Variants in DPP10 observed in about 807,000 individuals in gnomAD.
DPP10 encodes inactive dipeptidyl peptidase 10.
In DPP10, 33 loss-of-function variants were observed where a neutral mutation model predicts 120.9. That is an observed-to-expected ratio of 0.27 (90% CI 0.21 to 0.37). DPP10 has a LOEUF of 0.37. Ranked by LOEUF, DPP10 falls within the 10% of genes least tolerant of loss-of-function variation. DPP10 has a pLI of 1.00. For missense variants in DPP10, 816 were observed against 942.8 expected (o/e 0.87, Z 1.76); for synonymous variants, 337 against 326.1 (o/e 1.03, Z -0.36).
chr2:114,754,718 C>T (rs879421566), intron 1 of DPP10, among the ~76,000 whole-genome samples: 5 of 152,030 alleles, frequency 3.3e-5, no homozygotes, highest in Non-Finnish European at 5.9e-5. Flanking sequence ...GCAGCCTGTT[C>T]ACTCGTGTGG....
intron 21 of DPP10, among the ~76,000 whole-genome samples, chr2:115,822,819 A>C (rs1316574746): frequency 6.6e-6 from 1 of 151,782 alleles, no homozygotes; most frequent in Non-Finnish European, 1.5e-5. Context: ...TATTTTATAA[A>C]CTTTTCTTGG....
chr2:115,332,995 G>A (rs958344167), intron 2 of DPP10, among the ~76,000 whole-genome samples: 4 of 152,026 alleles, frequency 2.6e-5, no homozygotes, highest in East Asian at 1.9e-4. Context: ...TTTCTGTCTC[G>A]TTGATCTGCC....
intron 1 of DPP10, among the ~76,000 whole-genome samples, chr2:115,144,684 AG>A (rs1249071168): frequency 3.1e-5 from 3 of 97,770 alleles, no homozygotes; most frequent in Non-Finnish European, 6.0e-5. Context: ...GGGCGGGGGG[AG>A]GGATAGCATT....
chr2:115,030,185 T>A (rs182343586), intron 1 of DPP10, among the ~76,000 whole-genome samples: 139 of 152,184 alleles, frequency 9.1e-4, no homozygotes, highest in Non-Finnish European at 1.2e-3. Flanking sequence ...TTTTTTTTTT[T>A]ATTTCTCAGA....
chr2:115,091,400 T>C (rs1403589139), intron 1 of DPP10, among the ~76,000 whole-genome samples: 1 of 152,216 alleles, frequency 6.6e-6, no homozygotes, highest in East Asian at 1.9e-4. Context: ...ATATCAGCTT[T>C]AATCATCCTC....
At chr2:115,125,568 CTTTTTT>C (rs57686926) in intron 1 of DPP10, among the ~76,000 whole-genome samples, 1 of 112,188 alleles carries the variant, frequency 8.9e-6, no homozygotes, top group Non-Finnish European at 1.7e-5. Context: ...ATCATAATGG[CTTTTTT>C]TTTTTTTTTT....
chr2:114,913,637 A>G (rs1183265677), intron 1 of DPP10, among the ~76,000 whole-genome samples: 1 of 152,226 alleles, frequency 6.6e-6, no homozygotes, highest in East Asian at 1.9e-4. Flanking sequence ...AAGAACCAAC[A>G]TAAGAATTCT....
chr2:114,604,295 G>A (rs1692614342), intron 1 of DPP10, among the ~76,000 whole-genome samples: 1 of 152,040 alleles, frequency 6.6e-6, no homozygotes, highest in African/African-American at 2.4e-5. Flanking sequence ...ACCTAGCCAA[G>A]GACCAACTTT....
chr2:115,215,625 G>T (rs1473001270), intron 1 of DPP10, among the ~76,000 whole-genome samples: 2 of 151,866 alleles, frequency 1.3e-5, no homozygotes, highest in Non-Finnish European at 2.9e-5. Flanking sequence ...AGTGGGCAAA[G>T]ATGTGGAGAA....
At chr2:115,695,525 C>T (rs975678976) in intron 7 of DPP10, among the ~76,000 whole-genome samples, 2 of 152,010 alleles carry the variant, frequency 1.3e-5, no homozygotes, top group African/African-American at 4.8e-5. Flanking sequence ...AGAGAACTCC[C>T]CTTTATAAAA....
intron 1 of DPP10, among the ~76,000 whole-genome samples, chr2:114,839,732 T>C (rs895943331): frequency 1.3e-5 from 2 of 152,182 alleles, no homozygotes; most frequent in Non-Finnish European, 2.9e-5. Context: ...TAGATTAAAA[T>C]AAAGTCAATT....
chr2:114,603,553 C>T (rs924213987), intron 1 of DPP10, among the ~76,000 whole-genome samples: 6 of 152,038 alleles, frequency 3.9e-5, no homozygotes, highest in South Asian at 2.1e-4. Flanking sequence ...CCTGACCTCC[C>T]ACCATTCCTT....
At chr2:115,155,228 T>C (rs2051829279) in intron 1 of DPP10, among the ~76,000 whole-genome samples, 2 of 152,156 alleles carry the variant, frequency 1.3e-5, no homozygotes, top group African/African-American at 4.8e-5. Context: ...ACCAACCTAA[T>C]ATTAGAAACT....
chr2:114,782,340 T>C (rs112821187), intron 1 of DPP10, among the ~76,000 whole-genome samples: 6 of 151,670 alleles, frequency 4.0e-5, no homozygotes, highest in African/African-American at 1.4e-4. Context: ...TATATATATA[T>C]ATATATGGAA....
At chr2:115,250,701 G>T (rs1372540966) in intron 1 of DPP10, among the ~76,000 whole-genome samples, 1 of 152,150 alleles carries the variant, frequency 6.6e-6, no homozygotes, top group Non-Finnish European at 1.5e-5. Flanking sequence ...GTTGTTACTG[G>T]CAACTTAGAA....
chr2:114,580,512 T>C (rs1690410730), intron 1 of DPP10, among the ~76,000 whole-genome samples: 1 of 152,202 alleles, frequency 6.6e-6, no homozygotes, highest in Non-Finnish European at 1.5e-5. Context: ...GTGAGTTTTA[T>C]AGAATGAGAC....
At chr2:115,116,594 T>C (rs114350948) in intron 1 of DPP10, among the ~76,000 whole-genome samples, 2,722 of 152,254 alleles carry the variant, frequency 0.018, 64 homozygotes, top group African/African-American at 0.052. Flanking sequence ...ATTCTTTCTT[T>C]ATAATAAAAA....
intron 5 of DPP10, among the ~76,000 whole-genome samples, chr2:115,632,772 A>T (rs1170367168): frequency 1.3e-5 from 2 of 152,216 alleles, no homozygotes; most frequent in Non-Finnish European, 2.9e-5. Flanking sequence ...TGGGCAAAGG[A>T]TATGAACAGA....
chr2:114,450,684 G>C (rs993647100), intron 1 of DPP10, among the ~76,000 whole-genome samples: 1 of 149,298 alleles, frequency 6.7e-6, no homozygotes, highest in East Asian at 2.0e-4. Flanking sequence ...GGGATTGTGA[G>C]AACAATGTGC....
Sources: allele counts gnomAD v4.1 joint callset (sites outside exome capture counted in the v4.1 genomes callset), GRCh38; gene constraint gnomAD v4.1.1; transcripts MANE v1.5; gene names NCBI Gene and HGNC (gene_info 2026-07-23, HGNC 2026-07-21).